The following LRP1B variants were observed in gnomAD, a reference collection of about 807,000 sequenced individuals.
The protein encoded by LRP1B is LDL receptor related protein 1B.
In LRP1B, 217 loss-of-function variants were observed where a neutral mutation model predicts 556.6. The ratio of observed to expected loss-of-function variants is 0.39; its 90% CI spans 0.35 to 0.44. The LOEUF (loss-of-function observed/expected upper bound fraction) is 0.44. Among genes scored for constraint, LRP1B ranks in the 20% least tolerant of loss-of-function variants. LRP1B has a pLI of 1.00. For missense variants in LRP1B, 5,053 were observed against 5,620.8 expected, an observed-to-expected ratio of 0.90 and a Z score of 3.23; for synonymous variants, 2,047 against 1,865.8, an observed-to-expected ratio of 1.10 and a Z score of -2.50.
intron 1 of LRP1B, among the ~76,000 whole-genome samples, chr2:141,963,476 G>T (rs1221934353): frequency 6.6e-6 from 1 of 151,708 alleles, no homozygotes; most frequent in Non-Finnish European, 1.5e-5. Flanking sequence ...CATATAAACA[G>T]AGCCAAAGAC....
chr2:141,481,597 GGGT>G (rs1682920178), intron 2 of LRP1B, among the ~76,000 whole-genome samples: 1 of 152,148 alleles, frequency 6.6e-6, no homozygotes, highest in Non-Finnish European at 1.5e-5. Flanking sequence ...CTACCTCGTA[GGGT>G]TGTTGTGAAT....
chr2:140,727,077 A>C (rs554972061), intron 35 of LRP1B, among the ~76,000 whole-genome samples: 43 of 152,296 alleles, frequency 2.8e-4, no homozygotes, highest in African/African-American at 1.0e-3. Flanking sequence ...ATCTTTAAAA[A>C]ATTTTTATCT....
In LRP1B at chr2:140,373,073, G is replaced by T. The variant is rs2105171471; in HGVS notation, c.10703C>A (p.Ala3568Glu). The change falls in exon 69 of 91, where the codon GCA becomes GAA. Residue 3568 changes from alanine (A) to glutamate (E), a missense_variant. Physicochemically the swap from Ala to Glu is moderately radical, Grantham distance 107 (BLOSUM62 -1). Coordinates refer to ENST00000389484, the MANE Select transcript of LRP1B (RefSeq NM_018557.3). ...TTCATGGCCATCACATTTCCATTTT[G>T]CTGGTATACACTGACCATTGGAACA... ...FRCSNGQCIPAKWKCDGHEDC... is the reference protein window; with the variant it reads ...FRCSNGQCIPEKWKCDGHEDC... 6.2e-7 allele frequency: 1 copy of T among 1,613,076 alleles called. No individual in the cohort carries two copies. Among genetic ancestry groups the T allele is most frequent in the Non-Finnish European group, 8.5e-7 (1 of 1,179,474 alleles).
rs558767172 is a variant in LRP1B, at chr2:141,291,631, C to A, written c.344-36990G>T. Reference sequence around the variant, plus strand: ...CAGCACTTTGGGAGGCCGAGGCAGGCGGATCACGAGGTCAGGATATCGAGA... The same window carrying A: ...CAGCACTTTGGGAGGCCGAGGCAGGAGGATCACGAGGTCAGGATATCGAGA... On this transcript the variant is annotated intron_variant, in intron 3 of 90. Transcript: ENST00000389484. Among the ~76,000 whole-genome samples the A allele has an allele frequency of 2.0e-5, 3 of 151,870 alleles. No homozygotes were observed. The South Asian group carries it at 6.2e-4, about 32-fold the overall frequency.
chr2:140,249,777 G>A lies in LRP1B; in HGVS notation c.13248-2615C>T, dbSNP rs1681325631. On this transcript the variant is annotated intron_variant, in intron 86 of 90. Transcript: ENST00000389484. ...AAAATTATAACTTAAGGCATTTGCT[G>A]CTCCACAAGTTCTTCCAGTGGTTGA... Among the ~76,000 whole-genome samples the A allele has an allele frequency of 2.6e-5, 4 of 151,790 alleles. No individual in the cohort carries two copies. In the South Asian group the frequency reaches 8.3e-4, roughly 31 times the overall value.
chr2:141,188,478 G>C lies in LRP1B; in HGVS notation c.956C>G (p.Thr319Ser), dbSNP rs1301824161. 6.2e-7 allele frequency: 1 copy of C among 1,612,666 alleles called. No homozygotes were observed. The highest frequency in any genetic ancestry group is 8.5e-7 in the Non-Finnish European group (1 of 1,179,182). Residue 319 changes from threonine (T) to serine (S), a missense_variant, in exon 7 of 91, where the codon ACC becomes AGC. By Grantham distance (58) the Thr-to-Ser change is moderately conservative. Around this residue, in one of 5 missense-constraint regions of LRP1B, gnomAD observed 3,619 missense variants for 3,931.9 expected, o/e 0.92. Coordinates refer to ENST00000389484, the MANE Select transcript of LRP1B (RefSeq NM_018557.3). ...VCNSNGSVCV[T>S]LIDLELHNPK... ...ATTGTGAAGCTCCAGATCAATCAGG[G>C]TGACACATACAGAACCGTTGGAATT... is the stretch of plus-strand genomic sequence containing the variant.
intron 1 of LRP1B, among the ~76,000 whole-genome samples, chr2:141,843,124 G>A (rs1377683731): frequency 1.3e-5 from 2 of 151,956 alleles, no homozygotes; most frequent in Non-Finnish European, 2.9e-5. Context: ...TTAAACCAGT[G>A]GGTTTCTTCT....
chr2:141,693,962 CACAA>C (rs1574250607), intron 2 of LRP1B, among the ~76,000 whole-genome samples: 1 of 151,996 alleles, frequency 6.6e-6, no homozygotes, highest in South Asian at 2.1e-4. Flanking sequence ...TGCCTAAAAA[CACAA>C]ACAAAGTGGA....
At chr2:141,011,362 C>T (rs924518232) in intron 14 of LRP1B, among the ~76,000 whole-genome samples, 2 of 151,942 alleles carry the variant, frequency 1.3e-5, no homozygotes, top group African/African-American at 2.4e-5. Context: ...CACAACTGAA[C>T]ATCGGAATGC....
At chr2:141,923,293 TA>T (rs1700236069) in intron 1 of LRP1B, among the ~76,000 whole-genome samples, 2 of 151,062 alleles carry the variant, frequency 1.3e-5, no homozygotes, top group Non-Finnish European at 2.9e-5. Context: ...TAATATGTTA[TA>T]AAAATAATTT....
chr2:142,049,785 TA>T (rs1300032954), intron 1 of LRP1B, among the ~76,000 whole-genome samples: 1 of 152,146 alleles, frequency 6.6e-6, no homozygotes, highest in East Asian at 1.9e-4. Flanking sequence ...TAAGATGGTC[TA>T]AAACCCATTC....
intron 7 of LRP1B, among the ~76,000 whole-genome samples, chr2:141,178,911 T>C (rs1480009241): frequency 6.6e-6 from 1 of 152,076 alleles, no homozygotes; most frequent in Non-Finnish European, 1.5e-5. Flanking sequence ...TGGACTCATG[T>C]ATGAATGTTA....
chr2:141,268,377 A>G (rs973768655), intron 3 of LRP1B, among the ~76,000 whole-genome samples: 1 of 152,200 alleles, frequency 6.6e-6, no homozygotes, highest in Admixed American at 6.5e-5. Context: ...TTAGCTCTTT[A>G]CATTTCTAAT....
chr2:141,371,616 A>T (rs1224712919), intron 3 of LRP1B, among the ~76,000 whole-genome samples: 1 of 152,064 alleles, frequency 6.6e-6, no homozygotes, highest in African/African-American at 2.4e-5. Context: ...ATTACAAGGT[A>T]ATTTTTTAAT....
chr2:141,807,491 A>G (rs1456887297), intron 2 of LRP1B, among the ~76,000 whole-genome samples: 1 of 152,090 alleles, frequency 6.6e-6, no homozygotes, highest in African/African-American at 2.4e-5. Flanking sequence ...TAGAGGATAA[A>G]ATATGAATGG....
chr2:141,786,796 C>T (rs1574358343), intron 2 of LRP1B, among the ~76,000 whole-genome samples: 2 of 151,984 alleles, frequency 1.3e-5, no homozygotes, highest in East Asian at 3.9e-4. Context: ...TGTCTTTTTA[C>T]ATGCTGAGGA....
intron 7 of LRP1B, among the ~76,000 whole-genome samples, chr2:141,141,558 C>G (rs1701652550): frequency 6.6e-6 from 1 of 152,034 alleles, no homozygotes; most frequent in Non-Finnish European, 1.5e-5. Context: ...TTCCTTTTGC[C>G]AAAGTTTTAT....
intron 71 of LRP1B, among the ~76,000 whole-genome samples, chr2:140,369,218 A>G (rs547389577): frequency 3.3e-5 from 5 of 152,000 alleles, no homozygotes; most frequent in South Asian, 2.1e-4. Flanking sequence ...TACCTTGAGT[A>G]AAAACTGACA....
chr2:141,923,403 CTATATATA>C (rs61682272), intron 1 of LRP1B, among the ~76,000 whole-genome samples: 1 of 102,110 alleles, frequency 9.8e-6, no homozygotes, highest in Admixed American at 1.1e-4. Context: ...ATCTCTGTCA[CTATATATA>C]TATATATATA....
Sources: gnomAD v4.1 joint callset for allele counts (sites outside exome capture counted in the v4.1 genomes callset) on GRCh38, gnomAD v4.1.1 for gene constraint, gnomAD v4.1.1 regional missense constraint, MANE v1.5 for transcripts, NCBI Gene and HGNC (gene_info 2026-07-23, HGNC 2026-07-21) for gene names.